Variants in CWC27 observed in about 807,000 individuals in gnomAD.
CWC27 encodes the protein CWC27 spliceosome associated cyclophilin, also known as spliceosome-associated protein CWC27 homolog.
CWC27 carries 47 observed loss-of-function variants against 63.6 expected under a neutral mutation model. The observed-to-expected ratio is 0.74, with a 90% CI of 0.58 to 0.94. The LOEUF is 0.94. CWC27 is among the 40% of genes least tolerant of loss of function. The pLI is 0.00. For synonymous variants in CWC27, 175 were observed against 179.8 expected, an observed-to-expected ratio of 0.97 and a Z score of 0.22; for missense variants, 495 against 554.3, an observed-to-expected ratio of 0.89 and a Z score of 1.07.
chr5:64,919,347 A>AT (rs1747952743), intron 11 of CWC27, among the ~76,000 whole-genome samples: 1 of 152,046 alleles, frequency 6.6e-6, no homozygotes, highest in Admixed American at 6.6e-5. Context: ...TATTACTGAA[A>AT]TTTTTTTCTT....
At chr5:64,876,420 T>C (rs1308678452) in intron 10 of CWC27, among the ~76,000 whole-genome samples, 1 of 152,132 alleles carries the variant, frequency 6.6e-6, no homozygotes, top group African/African-American at 2.4e-5. Flanking sequence ...TTATGAATTC[T>C]TATCAGATGT....
At chr5:64,906,082 A>G (rs879221958) in intron 11 of CWC27, among the ~76,000 whole-genome samples, 8 of 152,132 alleles carry the variant, frequency 5.3e-5, no homozygotes, top group African/African-American at 1.9e-4. Flanking sequence ...TCTATCATTG[A>G]TAGACATTTA....
intron 11 of CWC27, among the ~76,000 whole-genome samples, chr5:64,943,517 T>C (rs1215671227): frequency 6.6e-6 from 1 of 152,212 alleles, no homozygotes; most frequent in African/African-American, 2.4e-5. Context: ...TATACCACTA[T>C]GAGTTTCTGA....
intron 13 of CWC27, among the ~76,000 whole-genome samples, chr5:64,981,208 A>G (rs1183900735): frequency 1.3e-5 from 2 of 152,376 alleles, no homozygotes; most frequent in East Asian, 1.9e-4. Flanking sequence ...TAATTTATAC[A>G]TATCAATTTA....
chr5:64,777,469 A>G (rs1017120198), intron 2 of CWC27, among the ~76,000 whole-genome samples: 29 of 152,130 alleles, frequency 1.9e-4, no homozygotes, highest in African/African-American at 6.8e-4. Context: ...GAAACGTATA[A>G]CTACTTTAAA....
chr5:64,792,279 C>T (rs1744111021), intron 7 of CWC27, among the ~76,000 whole-genome samples: 2 of 152,120 alleles, frequency 1.3e-5, no homozygotes, highest in African/African-American at 2.4e-5. Flanking sequence ...AATTTCCAAG[C>T]GAGGGGCCTG....
intron 11 of CWC27, among the ~76,000 whole-genome samples, chr5:64,947,709 G>T (rs1748616422): frequency 6.6e-6 from 1 of 152,062 alleles, no homozygotes. Flanking sequence ...AGAGAGAAAA[G>T]AAGTATCAGA....
At chr5:64,996,685 A>G (rs1022673683) in intron 13 of CWC27, among the ~76,000 whole-genome samples, 1 of 152,146 alleles carries the variant, frequency 6.6e-6, no homozygotes, top group Non-Finnish European at 1.5e-5. Context: ...GCTTGGCTCA[A>G]TAGTTTGATT....
rs1012208400 is a variant in CWC27 at position 64,774,708 on chromosome 5, A to G, written c.60A>G (p.Thr20=). The G allele has an allele frequency of 5.0e-6, 8 of 1,587,848 alleles. No homozygotes were observed. Among genetic ancestry groups the G allele is most frequent in the African/African-American group, 1.4e-5 (1 of 73,522 alleles). Residue 20 remains threonine, a synonymous_variant, in exon 2 of 14, where the codon ACA becomes ACG. Coordinates refer to ENST00000381070, the MANE Select transcript of CWC27 (RefSeq NM_005869.4). Reference sequence around the variant, plus strand: ...TTCTACAGGTTTTATTGAAAACTACAGCTGGAGATATTGACATAGAGTTGT... The same window carrying G: ...TTCTACAGGTTTTATTGAAAACTACGGCTGGAGATATTGACATAGAGTTGT... ...PTNGKVLLKT[T]AGDIDIELWS...
intron 11 of CWC27, among the ~76,000 whole-genome samples, chr5:64,939,515 G>C (rs56289746): frequency 6.6e-6 from 1 of 152,086 alleles, no homozygotes; most frequent in Non-Finnish European, 1.5e-5. Context: ...GAACCCGCCA[G>C]ATGCCAGCTG....
At chr5:64,835,735 T>C (rs1745642951) in intron 10 of CWC27, among the ~76,000 whole-genome samples, 1 of 151,902 alleles carries the variant, frequency 6.6e-6, no homozygotes, top group Non-Finnish European at 1.5e-5. Context: ...TTATAGGCTC[T>C]AGCAAAATTG....
At chr5:64,866,626 T>TA (rs1354857998) in intron 10 of CWC27, among the ~76,000 whole-genome samples, 2 of 152,066 alleles carry the variant, frequency 1.3e-5, no homozygotes, top group African/African-American at 2.4e-5. Flanking sequence ...CAACTCAGAG[T>TA]ACCTTGATTT....
intron 7 of CWC27, among the ~76,000 whole-genome samples, chr5:64,789,542 A>T (rs1294870944): frequency 6.6e-6 from 1 of 152,070 alleles, no homozygotes; most frequent in Non-Finnish European, 1.5e-5. Flanking sequence ...TACAGATGGG[A>T]ACTGAACGCA....
rs139851051 is a variant in CWC27 at position 64,875,595 on chromosome 5, T to C, written c.939-9848T>C. ...AAAATAAGCAATTCACTTTGAAGCA[T>C]TTAGTGACCAGAGTTAGGATATGGG... On this transcript the variant is annotated intron_variant, in intron 10 of 13. Transcript: ENST00000381070. 3.9e-3 allele frequency among the ~76,000 whole-genome samples: 594 copies of C among 152,274 alleles called. 2 individuals are homozygous for C. Among genetic ancestry groups the C allele is most frequent in the African/African-American group, 0.013 (555 of 41,578 alleles).
At chr5:64,807,956 A>G in intron 10 of CWC27, 4 of 1,423,602 alleles carry the variant, frequency 2.8e-6, no homozygotes, top group Non-Finnish European at 3.7e-6. Context: ...ACTCCACTGA[A>G]ACTACTTCCA....
chr5:64,778,012 A>G (rs1014117905), intron 2 of CWC27, among the ~76,000 whole-genome samples: 6 of 152,208 alleles, frequency 3.9e-5, no homozygotes, highest in African/African-American at 1.4e-4. Context: ...AATCATAAAG[A>G]AAATCTTAAA....
At chr5:64,966,923 C>CT (rs1013712381) in intron 11 of CWC27, among the ~76,000 whole-genome samples, 51 of 152,094 alleles carry the variant, frequency 3.4e-4, no homozygotes, top group African/African-American at 1.2e-3. Flanking sequence ...TCCAACTAAC[C>CT]TTTCTGGATT....
At chr5:64,954,650 C>CTATATATATACATATATAGAAAGCACTA (rs1748772112) in intron 11 of CWC27, among the ~76,000 whole-genome samples, 1 of 146,302 alleles carries the variant, frequency 6.8e-6, no homozygotes, top group African/African-American at 2.5e-5. Context: ...ATAGAAAGCA[C>CTATATATATACATATATAGAAAGCACTA]TATATATATA....
intron 11 of CWC27, among the ~76,000 whole-genome samples, chr5:64,894,122 G>T (rs559037262): frequency 3.3e-5 from 5 of 152,014 alleles, no homozygotes; most frequent in Admixed American, 6.6e-5. Context: ...TAGAGACGGG[G>T]TTTCACCATG....
Sources: gnomAD v4.1 joint callset for allele counts (sites outside exome capture counted in the v4.1 genomes callset) on GRCh38, gnomAD v4.1.1 for gene constraint, MANE v1.5 for transcripts, NCBI Gene and HGNC (gene_info 2026-07-23, HGNC 2026-07-21) for gene names.